Variants in ZNF512 observed in about 807,000 individuals in gnomAD.
The protein encoded by ZNF512 is zinc finger protein 512.
ZNF512 carries 25 observed loss-of-function variants against 77.5 expected under a neutral mutation model. That is an observed-to-expected ratio of 0.32 (90% CI 0.23 to 0.45). ZNF512 has a LOEUF of 0.45. ZNF512 is among the 20% of genes least tolerant of loss of function. The pLI is 1.00. For missense variants in ZNF512, 483 were observed against 692.6 expected (o/e 0.70, Z 3.40); for synonymous variants, 246 against 239.9 (o/e 1.03, Z -0.24).
In ZNF512 at chr2:27,603,312, G is replaced by C; in HGVS notation, c.936+5G>C. 6.2e-7 allele frequency: 1 copy of C among 1,613,580 alleles called. No homozygotes were observed. ...CTGAGGTCAGAGCATGGGCCTGTGA[G>C]TACTGATTCCTTTCTATACCCTGCG... On this transcript the variant is annotated splice_donor_5th_base_variant and intron_variant, in intron 9 of 13. Coordinates refer to ENST00000355467, the MANE Select transcript of ZNF512 (RefSeq NM_032434.4).
chr2:27,583,311 C>A, intron 1 of ZNF512, 169 bp downstream of exon 1: 1 of 1,274,148 alleles, frequency 7.8e-7, no homozygotes. Flanking sequence ...CGTTCTGCTG[C>A]CTGTTCCCCA....
At chr2:27,588,067 T>A (rs1254921040) in intron 2 of ZNF512, among the ~76,000 whole-genome samples, 2 of 152,130 alleles carry the variant, frequency 1.3e-5, no homozygotes, top group Non-Finnish European at 2.9e-5. Context: ...GTGGGTTATC[T>A]TATTGAATTG....
intron 7 of ZNF512, 96 bp downstream of exon 7, chr2:27,601,538 G>A (rs1440465531): frequency 1.2e-5 from 12 of 1,007,284 alleles, no homozygotes; most frequent in Admixed American, 8.5e-5. Context: ...GCAGTGGCAC[G>A]ATCTCGGCTT....
In ZNF512 at chr2:27,621,888, CA is replaced by C. The variant is rs1481750370; in HGVS notation, c.*428del. On this transcript the variant is annotated 3_prime_UTR_variant, in exon 14 of 14. Coordinates refer to ENST00000355467, the MANE Select transcript of ZNF512 (RefSeq NM_032434.4). ...TTTTTTAAAACCATAACTGATTTGT[CA>C]TTTTGTATTTGTGATATAACAAGTC... The C allele has an allele frequency of 6.2e-6, 1 of 162,238 alleles. No homozygotes were observed. Among genetic ancestry groups the C allele is most frequent in the African/African-American group, 2.4e-5 (1 of 41,490 alleles). 10.0% of individuals were successfully genotyped at this position (162,238 alleles called of 1,614,324 possible). A position where few individuals can be genotyped will look rare whatever the true frequency, so the allele number is the denominator to read the frequency against.
intron 9 of ZNF512, among the ~76,000 whole-genome samples, chr2:27,607,494 A>G (rs1672423308): frequency 6.6e-6 from 1 of 151,866 alleles, no homozygotes; most frequent in Admixed American, 6.6e-5. Context: ...CAGCCTCCCG[A>G]GTAGCTGGGA....
rs115889245 is a variant in ZNF512, at chr2:27,584,072, A to G, written c.89+356A>G. On this transcript the variant is annotated intron_variant, in intron 2 of 13. Coordinates refer to ENST00000355467, the MANE Select transcript of ZNF512 (RefSeq NM_032434.4). ...GTGGCTAGTGCGACTGAGGGATTGA[A>G]TTTTAAATTTTATTTAATTTTAACT... is the stretch of plus-strand genomic sequence containing the variant. Among the ~76,000 whole-genome samples the G allele has an allele frequency of 8.0e-3, 1,225 of 152,334 alleles. 29 individuals carry two copies. The highest frequency in any genetic ancestry group is 0.028 in the African/African-American group (1,167 of 41,574).
chr2:27,611,854 C>A (rs189862693), intron 10 of ZNF512, among the ~76,000 whole-genome samples: 10 of 152,096 alleles, frequency 6.6e-5, no homozygotes, highest in African/African-American at 2.4e-4. Context: ...TGCACCACCA[C>A]GCCCGGCTAA....
intron 5 of ZNF512, 142 bp downstream of exon 5, chr2:27,600,195 C>G: frequency 2.2e-6 from 2 of 914,864 alleles, no homozygotes; most frequent in Non-Finnish European, 3.4e-6. Context: ...TCAGACAGAC[C>G]TTTGCTCAAG....
chr2:27,619,271 C>T (rs1572939423), intron 13 of ZNF512, among the ~76,000 whole-genome samples: 1 of 152,092 alleles, frequency 6.6e-6, no homozygotes, highest in Middle Eastern at 3.4e-3. Flanking sequence ...GGTGTGGTGG[C>T]GGGCACCTGT....
At chr2:27,593,237 C>T (rs1671679509) in intron 2 of ZNF512, among the ~76,000 whole-genome samples, 2 of 146,762 alleles carry the variant, frequency 1.4e-5, no homozygotes, top group African/African-American at 5.2e-5. Flanking sequence ...CACACACACA[C>T]ACACACACAA....
rs1672201389 is a variant in ZNF512 at position 27,603,130 on chromosome 2, C to G, written c.769-10C>G. 1.2e-6 allele frequency: 2 copies of G among 1,613,600 alleles called. No individual in the cohort carries two copies. Among genetic ancestry groups the G allele is most frequent in the South Asian group, 1.1e-5 (1 of 91,064 alleles). On this transcript the variant is annotated splice_polypyrimidine_tract_variant and intron_variant, in intron 8 of 13. Coordinates refer to ENST00000355467, the MANE Select transcript of ZNF512 (RefSeq NM_032434.4). ...TAAGATTATAGTTTAGGCTTCTCTC[C>G]TCTGTTCAGAGTTGCTCCAGTAGCT...
At position 27,621,732 on chromosome 2, in the gene ZNF512, C is replaced by T. The variant is rs1195330710; in HGVS notation, c.*271C>T. 2.9e-6 allele frequency: 1 copy of T among 341,430 alleles called. No homozygotes were observed. Among genetic ancestry groups the T allele is most frequent in the Admixed American group, 4.6e-5 (1 of 21,874 alleles). 21.2% of individuals were successfully genotyped at this position (341,430 alleles called of 1,614,324 possible). A position where few individuals can be genotyped will look rare whatever the true frequency, so the allele number is the denominator to read the frequency against. On this transcript the variant is annotated 3_prime_UTR_variant, in exon 14 of 14. Transcript: ENST00000355467. ...TCCCTCTCAAGGCCAACTATAGGCT[C>T]CTCTTGCCCTGTACAAAACTAAGAA...
chr2:27,613,729 C>T (rs1672762319), intron 10 of ZNF512, among the ~76,000 whole-genome samples: 1 of 152,068 alleles, frequency 6.6e-6, no homozygotes, highest in Admixed American at 6.5e-5. Context: ...TGGACCTGCA[C>T]AGTTCAAACT....
At chr2:27,588,930 G>A (rs569507805) in intron 2 of ZNF512, among the ~76,000 whole-genome samples, 61 of 152,212 alleles carry the variant, frequency 4.0e-4, no homozygotes, top group Non-Finnish European at 6.9e-4. Context: ...AGTCTGGAAC[G>A]TCTTTTGTTA....
chr2:27,587,032 TA>T (rs1671360462), intron 2 of ZNF512, among the ~76,000 whole-genome samples: 1 of 152,232 alleles, frequency 6.6e-6, no homozygotes. Flanking sequence ...AACGTTCATG[TA>T]CAAGTCTTGT....
Position 27,616,264 on chromosome 2 carries a change from C to T in ZNF512, c.1236C>T (p.Gly412=). Residue 412 remains glycine (G), a splice_region_variant and synonymous_variant, in exon 12 of 14, where the codon GGC becomes GGT. Coordinates refer to ENST00000355467, the MANE Select transcript of ZNF512 (RefSeq NM_032434.4). ...ATACTATTTCTTCTCTTTTGCAGGGCTGTGAGGCTGTCTACAGCAGTGTAT... is the reference window on the plus strand; with the variant it reads ...ATACTATTTCTTCTCTTTTGCAGGGTTGTGAGGCTGTCTACAGCAGTGTAT... The part of the protein sequence containing the change: ...KYHRIQCPNQ[G]CEAVYSSVSG... 6.2e-7 allele frequency: 1 copy of T among 1,613,432 alleles called. No homozygotes were observed. Among genetic ancestry groups the T allele is most frequent in the Non-Finnish European group, 8.5e-7 (1 of 1,179,350 alleles).
Position 27,615,226 on chromosome 2 carries a change from A to G in ZNF512, c.1190A>G (p.Lys397Arg), listed in dbSNP as rs1009914971. The G allele has an allele frequency of 1.1e-5, 17 of 1,606,874 alleles. No individual in the cohort carries two copies. The highest frequency in any genetic ancestry group is 1.4e-5 in the Non-Finnish European group (17 of 1,176,780). Residue 397 changes from lysine to arginine, a missense_variant, in exon 11 of 14, where the codon AAG becomes AGG. Around this residue, in one of 2 missense-constraint regions of ZNF512, gnomAD observed 324 missense variants for 525.0 expected, o/e 0.62. Transcript: ENST00000355467. ...AGCCAGGAAGTACTACATAAATGGA[A>G]GACAGATATCAAGAAATATCATCGT... is the stretch of plus-strand genomic sequence containing the variant. ...TFSQEVLHKW[K>R]TDIKKYHRIQ... is the part of the protein sequence containing the mutation.
chr2:27,599,858 C>T, intron 4 of ZNF512, 112 bp from the exon 5 acceptor site: 1 of 1,204,672 alleles, frequency 8.3e-7, no homozygotes, highest in Non-Finnish European at 1.2e-6. Flanking sequence ...CTGACTTAGG[C>T]AGTCAGTCGG....
chr2:27,610,894 A>G (rs553465639), intron 10 of ZNF512, among the ~76,000 whole-genome samples: 1 of 151,964 alleles, frequency 6.6e-6, no homozygotes, highest in Non-Finnish European at 1.5e-5. Context: ...TCGACAGCGT[A>G]TAGATAAAAG....
Sources: allele counts gnomAD v4.1 joint callset (sites outside exome capture counted in the v4.1 genomes callset), GRCh38; gene constraint gnomAD v4.1.1; regional missense constraint gnomAD v4.1.1; transcripts MANE v1.5; gene names NCBI Gene and HGNC (gene_info 2026-07-23, HGNC 2026-07-21).